The following NBEA variants were observed in gnomAD, a reference collection of about 807,000 sequenced individuals.
NBEA encodes the protein lysosomal-trafficking regulator 2.
Under a neutral mutation model 343.4 loss-of-function variants are expected in NBEA, and 44 were observed. The observed-to-expected ratio is 0.13, with a 90% CI of 0.10 to 0.16. The LOEUF is 0.16. Among genes scored for constraint, NBEA ranks in the 10% least tolerant of loss-of-function variants. The pLI is 1.00. For synonymous variants in NBEA, 1,175 were observed against 1,238.7 expected, an observed-to-expected ratio of 0.95 and a Z score of 1.08; for missense variants, 2,555 against 3,631.3, an observed-to-expected ratio of 0.70 and a Z score of 7.62.
chr13:35,084,778 A>C (rs2064641031), intron 10 of NBEA, among the ~76,000 whole-genome samples: 1 of 152,156 alleles, frequency 6.6e-6, no homozygotes, highest in Non-Finnish European at 1.5e-5. Flanking sequence ...CCTTCAAAAA[A>C]TCAATGAATC....
At chr13:35,537,595 G>A (rs980976639) in intron 41 of NBEA, among the ~76,000 whole-genome samples, 1 of 152,186 alleles carries the variant, frequency 6.6e-6, no homozygotes, top group African/African-American at 2.4e-5. Flanking sequence ...GGTGCTATGA[G>A]AGCGTAAGAT....
At chr13:35,166,984 A>G (rs1593583301) in intron 24 of NBEA, among the ~76,000 whole-genome samples, 1 of 152,228 alleles carries the variant, frequency 6.6e-6, no homozygotes, top group East Asian at 1.9e-4. Flanking sequence ...TCCTAGATAT[A>G]TGAAGAGAGA....
chr13:35,464,186 C>T (rs2047052030), intron 40 of NBEA, among the ~76,000 whole-genome samples: 1 of 152,014 alleles, frequency 6.6e-6, no homozygotes, highest in Admixed American at 6.6e-5. Context: ...AAGGGTAAAC[C>T]CCAGTGCTCT....
At chr13:35,090,590 G>A (rs2065031716) in intron 10 of NBEA, among the ~76,000 whole-genome samples, 1 of 151,868 alleles carries the variant, frequency 6.6e-6, no homozygotes, top group South Asian at 2.1e-4. Flanking sequence ...TTTAACTGAT[G>A]TGATGCTATA....
intron 1 of NBEA, among the ~76,000 whole-genome samples, chr13:34,962,189 T>A (rs893650506): frequency 7.9e-5 from 12 of 152,014 alleles, no homozygotes; most frequent in Non-Finnish European, 1.3e-4. Context: ...ATTTTTAAGA[T>A]TTTTAAATTA....
At chr13:35,404,949 A>G (rs1594507022) in intron 38 of NBEA, among the ~76,000 whole-genome samples, 1 of 152,116 alleles carries the variant, frequency 6.6e-6, no homozygotes, top group African/African-American at 2.4e-5. Flanking sequence ...TGGAATGAAC[A>G]CGATTGGAGG....
At chr13:35,341,318 A>G (rs1446613845) in intron 36 of NBEA, among the ~76,000 whole-genome samples, 2 of 152,070 alleles carry the variant, frequency 1.3e-5, no homozygotes, top group Non-Finnish European at 2.9e-5. Flanking sequence ...ATAGTTAAAA[A>G]TCTTCATGAC....
rs558901880 is a variant in NBEA at position 35,048,221 on chromosome 13, C to A, written c.724-342C>A. 1.9e-4 allele frequency among the ~76,000 whole-genome samples: 29 copies of A among 151,940 alleles called. No individual in the cohort carries two copies. In the South Asian group the frequency reaches 5.8e-3, roughly 30 times the overall value. The stretch of plus-strand genomic sequence containing the variant: ...GTTACTACTGAAAACCTAGTGTAAA[C>A]CACAGAAAACTGAAATTGGGAGGCT... On this transcript the variant is annotated intron_variant, in intron 4 of 58. Transcript: ENST00000379939.
At chr13:35,427,883 C>G (rs2044810739) in intron 38 of NBEA, among the ~76,000 whole-genome samples, 1 of 152,202 alleles carries the variant, frequency 6.6e-6, no homozygotes, top group African/African-American at 2.4e-5. Context: ...TGATCTCAGA[C>G]TGCTGTGCTA....
In NBEA at chr13:35,157,132, C is replaced by T. The variant is rs747648851; in HGVS notation, c.2706C>T (p.Ile902=). 9.3e-6 allele frequency: 15 copies of T among 1,607,038 alleles called. No individual in the cohort carries two copies. Among genetic ancestry groups the T allele is most frequent in the Non-Finnish European group, 1.2e-5 (14 of 1,176,466 alleles). The change falls in exon 21 of 59, where the codon ATC becomes ATT. Residue 902 remains isoleucine (I), a synonymous_variant. Coordinates refer to ENST00000379939, the MANE Select transcript of NBEA (RefSeq NM_001385012.1). Reference sequence around the variant, plus strand: ...ATTGGATGTTTTCTCTTGGCTATATCAATCCTAAAAATTCTGAGGAACAGA... The same window carrying T: ...ATTGGATGTTTTCTCTTGGCTATATTAATCCTAAAAATTCTGAGGAACAGA... The part of the protein sequence containing the change: ...WQDWMFSLGY[I]NPKNSEEQKI...
chr13:34,952,780 AAAAT>A (rs879755599), intron 1 of NBEA, among the ~76,000 whole-genome samples: 4 of 150,566 alleles, frequency 2.7e-5, no homozygotes, highest in South Asian at 4.2e-4. Context: ...TTTTCTGAGA[AAAAT>A]AACGCAGCAG....
chr13:35,380,224 C>G (rs533097904), intron 38 of NBEA, among the ~76,000 whole-genome samples: 1 of 151,742 alleles, frequency 6.6e-6, no homozygotes, highest in East Asian at 2.0e-4. Context: ...GCAGGTGAAT[C>G]ACCTGAGGTC....
At chr13:35,334,126 T>C (rs2039099378) in intron 36 of NBEA, among the ~76,000 whole-genome samples, 1 of 152,098 alleles carries the variant, frequency 6.6e-6, no homozygotes, top group Admixed American at 6.6e-5. Flanking sequence ...TCCAAAGCAT[T>C]CTTCTTACTG....
intron 29 of NBEA, 113 bp from the exon 30 acceptor site, chr13:35,183,863 T>A: frequency 1.6e-6 from 1 of 630,838 alleles, no homozygotes; most frequent in South Asian, 2.2e-5. Context: ...CATTCGTTAT[T>A]GCTAGTATTG....
intron 58 of NBEA, 109 bp from the exon 59 acceptor site, chr13:35,670,792 G>T: frequency 1.4e-6 from 1 of 704,128 alleles, no homozygotes. Flanking sequence ...CCTTGAGATC[G>T]TGATATTGTC....
chr13:35,144,343 A>G (rs779260292), intron 18 of NBEA, among the ~76,000 whole-genome samples: 23 of 152,156 alleles, frequency 1.5e-4, no homozygotes, highest in African/African-American at 4.3e-4. Flanking sequence ...TACTCCAAAT[A>G]TGGGTGTTCC....
At chr13:35,347,044 A>G (rs1311089543) in intron 36 of NBEA, among the ~76,000 whole-genome samples, 1 of 152,130 alleles carries the variant, frequency 6.6e-6, no homozygotes, top group East Asian at 1.9e-4. Flanking sequence ...GAACAAATAA[A>G]TCCAGTATAG....
At chr13:35,257,497 A>G (rs2032749655) in intron 34 of NBEA, among the ~76,000 whole-genome samples, 1 of 152,196 alleles carries the variant, frequency 6.6e-6, no homozygotes, top group Admixed American at 6.5e-5. Flanking sequence ...TACTATGGTT[A>G]TGTTTACTAT....
chr13:35,566,397 A>G (rs1323029221), intron 44 of NBEA, among the ~76,000 whole-genome samples: 1 of 152,096 alleles, frequency 6.6e-6, no homozygotes, highest in Non-Finnish European at 1.5e-5. Context: ...ATAAAATAGA[A>G]TACCACCACA....
Sources: gnomAD v4.1 joint callset for allele counts (sites outside exome capture counted in the v4.1 genomes callset) on GRCh38, gnomAD v4.1.1 for gene constraint, MANE v1.5 for transcripts, NCBI Gene and HGNC (gene_info 2026-07-23, HGNC 2026-07-21) for gene names.